Variants in CREBZF observed in about 807,000 individuals in gnomAD.
CREBZF encodes the protein CREB/ATF bZIP transcription factor, also known as HCF-binding transcription factor Zhangfei.
CREBZF carries 8 observed loss-of-function variants against 21.1 expected under a neutral mutation model. The ratio of observed to expected loss-of-function variants is 0.38; its 90% CI spans 0.22 to 0.68. The LOEUF (loss-of-function observed/expected upper bound fraction) is 0.68, where lower values mean the gene tolerates loss of function less well. Among genes scored for constraint, CREBZF ranks in the 30% least tolerant of loss-of-function variants. The probability of loss-of-function intolerance (pLI) is 0.51; values close to 1 mark genes in which losing one functional copy is unlikely to be tolerated. For synonymous variants in CREBZF, 270 were observed against 223.3 expected, an observed-to-expected ratio of 1.21 and a Z score of -1.86; for missense variants, 518 against 484.3, an observed-to-expected ratio of 1.07 and a Z score of -0.65.
chr11:85,660,479 AT>A lies in CREBZF; in HGVS notation c.*3331del. On this transcript the variant is annotated 3_prime_UTR_variant, in exon 1 of 1. Coordinates refer to ENST00000527447, the MANE Select transcript of CREBZF (RefSeq NM_001039618.4). ...ATTTGGGAACTTGAAAATGGCATTC[AT>A]TTTTTTCAGCAGATGCCAAATTTTT... 3 of 398,362 alleles carry A rather than the reference AT, an allele frequency of 7.5e-6. No individual in the cohort carries two copies. The highest frequency in any genetic ancestry group is 7.7e-5 in the East Asian group (1 of 12,958). The allele number at this position is 398,362 out of a possible 1,614,324, so 24.7% of individuals were successfully genotyped here. A position where few individuals can be genotyped will look rare whatever the true frequency, so the allele number is the denominator to read the frequency against.
In CREBZF at chr11:85,663,779, G is replaced by T; in HGVS notation, c.*32C>A. ...ACATGGTGTAAGGGAGTTGAAAGGGGTAAACGCGGATAAAGAGCAGATTAC... is the reference window on the plus strand; with the variant it reads ...ACATGGTGTAAGGGAGTTGAAAGGGTTAAACGCGGATAAAGAGCAGATTAC... On this transcript the variant is annotated 3_prime_UTR_variant, in exon 1 of 1. Coordinates refer to ENST00000527447, the MANE Select transcript of CREBZF (RefSeq NM_001039618.4). 1 of 1,582,016 alleles carries T rather than the reference G, an allele frequency of 6.3e-7. No individual in the cohort carries two copies. The highest frequency in any genetic ancestry group is 8.6e-7 in the Non-Finnish European group (1 of 1,166,028).
chr11:85,671,746 A>G (rs1283549743), intron 1 of CREBZF, among the ~76,000 whole-genome samples: 2 of 152,344 alleles, frequency 1.3e-5, no homozygotes, highest in East Asian at 1.9e-4. Flanking sequence ...GTGGGTTCCC[A>G]CGGTCTTGGG....
At chr11:85,670,240 C>T (rs1231400909) in intron 1 of CREBZF, among the ~76,000 whole-genome samples, 10 of 145,418 alleles carry the variant, frequency 6.9e-5, no homozygotes, top group South Asian at 2.2e-4. Flanking sequence ...TACTTTGTTT[C>T]GTATTCTTTA....
chr11:85,662,150 G>A lies in CREBZF; in HGVS notation c.*1661C>T, dbSNP rs2082704971. 2 of 468,002 alleles carry A rather than the reference G, an allele frequency of 4.3e-6. No homozygotes were observed. The highest frequency in any genetic ancestry group is 8.1e-6 in the Non-Finnish European group (2 of 246,690). The allele number at this position is 468,002 out of a possible 1,614,324, so 29.0% of individuals were successfully genotyped here. A position where few individuals can be genotyped will look rare whatever the true frequency, so the allele number is the denominator to read the frequency against. On this transcript the variant is annotated 3_prime_UTR_variant, in exon 1 of 1. Transcript: ENST00000527447. ...ATGATTTTACAAAATATGCTGTGAT[G>A]CACTGGAAACCAAAGACCAATTCAG...
At chr11:85,676,127 T>C (rs2082940612) in intron 1 of CREBZF, among the ~76,000 whole-genome samples, 1 of 152,260 alleles carries the variant, frequency 6.6e-6, no homozygotes, top group Non-Finnish European at 1.5e-5. Flanking sequence ...TACTAGTGTA[T>C]GTCCTAACTA....
upstream of CREBZF, among the ~76,000 whole-genome samples, chr11:85,667,957 A>G (rs375470119): frequency 9.7e-4 from 139 of 143,256 alleles, 2 homozygotes; most frequent in African/African-American, 3.7e-3. Flanking sequence ...GAGACAGAGT[A>G]AGACTATGTA....
intron 1 of CREBZF, chr11:85,682,630 G>A: frequency 5.4e-6 from 1 of 185,862 alleles, no homozygotes; most frequent in South Asian, 9.6e-5. Flanking sequence ...TCTTCCAGAC[G>A]CGCTCTTCCC....
chr11:85,671,800 G>A (rs1476110168), intron 1 of CREBZF, among the ~76,000 whole-genome samples: 1 of 152,206 alleles, frequency 6.6e-6, no homozygotes, highest in Non-Finnish European at 1.5e-5. Flanking sequence ...CCCCCTCCTG[G>A]CAGCTTTCAT....
Position 85,664,703 on chromosome 11 carries a change from C to T in CREBZF, c.173G>A (p.Gly58Asp), listed in dbSNP as rs552611308. The T allele has an allele frequency of 4.4e-6, 7 of 1,604,846 alleles. No individual in the cohort carries two copies. The highest frequency in any genetic ancestry group is 2.2e-5 in the East Asian group (1 of 44,708). Residue 58 changes from glycine (G) to aspartate (D), a missense_variant, in exon 1 of 1, where the codon GGC (glycine) becomes GAC (aspartate). Gly to Asp is a moderately conservative substitution (Grantham distance 94). This residue lies in a region of CREBZF where 396 missense variants were observed against 324.4 expected (regional missense o/e 1.22). Transcript: ENST00000527447. The surrounding 1 kb of genome is among the most constrained non-coding windows in gnomAD (Gnocchi z 5.5). The part of the protein sequence containing the change: ...AGSPGRKQQF[G>D]DEGELEAGRG... ...CCCGGCTTCCAACTCTCCTTCGTCG[C>T]CAAACTGCTGCTTGCGGCCGGGAGA... is the stretch of plus-strand genomic sequence containing the variant.
chr11:85,673,652 T>C (rs1302651519), intron 1 of CREBZF, among the ~76,000 whole-genome samples: 3 of 152,328 alleles, frequency 2.0e-5, no homozygotes, highest in Admixed American at 1.3e-4. Flanking sequence ...AATATGACAG[T>C]AAAGTTTGCA....
rs1475725278 is a variant in CREBZF, at chr11:85,665,097, C to T, written c.-222G>A. The stretch of plus-strand genomic sequence containing the variant: ...CGGTGAGGCCCTGCGATGACTCGAC[C>T]GCGCCACCCAGACAACGGCGTAGCC... On this transcript the variant is annotated 5_prime_UTR_variant, in exon 1 of 1. Coordinates refer to ENST00000527447, the MANE Select transcript of CREBZF (RefSeq NM_001039618.4). The T allele has an allele frequency of 7.2e-6, 3 of 418,978 alleles. No individual in the cohort carries two copies. The highest frequency in any genetic ancestry group is 3.6e-5 in the East Asian group (1 of 27,986). The allele number at this position is 418,978 out of a possible 1,614,324, so 26.0% of individuals were successfully genotyped here.
intron 1 of CREBZF, among the ~76,000 whole-genome samples, chr11:85,675,387 T>A (rs956633927): frequency 1.3e-5 from 2 of 152,154 alleles, no homozygotes; most frequent in South Asian, 2.1e-4. Flanking sequence ...TTGTTGTGTC[T>A]CAGGAATAAG....
chr11:85,662,474 A>T lies in CREBZF; in HGVS notation c.*1337T>A. ...CTGTATCCACTTTAGCACAAAGAAA[A>T]ACAAGGATGCTAAATACGTATATAC... On this transcript the variant is annotated 3_prime_UTR_variant, in exon 1 of 1. Transcript: ENST00000527447. 1 of 715,518 alleles carries T rather than the reference A, an allele frequency of 1.4e-6. No individual in the cohort carries two copies. The highest frequency in any genetic ancestry group is 2.7e-5 in the East Asian group (1 of 37,252). 44.3% of individuals were successfully genotyped at this position (715,518 alleles called of 1,614,324 possible).
chr11:85,676,532 T>G (rs2082943676), intron 1 of CREBZF, among the ~76,000 whole-genome samples: 1 of 152,248 alleles, frequency 6.6e-6, no homozygotes, highest in Non-Finnish European at 1.5e-5. Flanking sequence ...TTTTCCACAC[T>G]TGATTTATCT....
chr11:85,677,377 G>C lies in CREBZF; in HGVS notation n.147+5340C>G, dbSNP rs566161692. 2.0e-5 allele frequency among the ~76,000 whole-genome samples: 3 copies of C among 152,300 alleles called. No homozygotes were observed. The South Asian group carries it at 6.2e-4, about 32-fold the overall frequency. On this transcript the variant is annotated intron_variant and non_coding_transcript_variant, in intron 1 of 3. Coordinates refer to the CREBZF transcript ENST00000531515. ...GTTGTCTCAAAAATGTCTGTCTACAGATGACTTGACTTAATCGGGATCCAA... is the reference window on the plus strand; with the variant it reads ...GTTGTCTCAAAAATGTCTGTCTACACATGACTTGACTTAATCGGGATCCAA...
intron 1 of CREBZF, among the ~76,000 whole-genome samples, chr11:85,681,686 G>A (rs534037273): frequency 3.3e-5 from 5 of 152,342 alleles, no homozygotes; most frequent in South Asian, 2.1e-4. Flanking sequence ...GAAAAATTCA[G>A]CAGGGATATA....
At position 85,662,168 on chromosome 11, in the gene CREBZF, C is replaced by A; in HGVS notation, c.*1643G>T. The A allele has an allele frequency of 2.0e-6, 1 of 503,704 alleles. No homozygotes were observed. The highest frequency in any genetic ancestry group is 3.7e-6 in the Non-Finnish European group (1 of 268,582). The allele number at this position is 503,704 out of a possible 1,614,324, so 31.2% of individuals were successfully genotyped here. Reference sequence around the variant, plus strand: ...CTGTGATGCACTGGAAACCAAAGACCAATTCAGGTCTCAAATCGTATTATC... The same window carrying A: ...CTGTGATGCACTGGAAACCAAAGACAAATTCAGGTCTCAAATCGTATTATC... On this transcript the variant is annotated 3_prime_UTR_variant, in exon 1 of 1. Transcript: ENST00000527447.
At chr11:85,669,018 AAAAAAAAAAAAAAAAAAAAAAAAG>A (rs1397104237), upstream of CREBZF, among the ~76,000 whole-genome samples, 19 of 121,848 alleles carry the variant, frequency 1.6e-4, no homozygotes, top group Admixed American at 3.7e-4. Context: ...AAAAAAAAAA[AAAAAAAAAAAAAAAAAAAAAAAAG>A]AAACATGCTC....
At chr11:85,674,277 G>A (rs893930542) in intron 1 of CREBZF, among the ~76,000 whole-genome samples, 2 of 152,216 alleles carry the variant, frequency 1.3e-5, no homozygotes, top group Non-Finnish European at 2.9e-5. Context: ...TGTTGTGTAA[G>A]CAGGCATAAA....
Sources: allele counts gnomAD v4.1 joint callset (sites outside exome capture counted in the v4.1 genomes callset), GRCh38; gene constraint gnomAD v4.1.1; regional missense constraint gnomAD v4.1.1; non-coding constraint Gnocchi (gnomAD v3.1); transcripts MANE v1.5; gene names NCBI Gene and HGNC (gene_info 2026-07-23, HGNC 2026-07-21).